TMEFF1: variants seen among roughly 807,000 people sequenced by gnomAD.
The protein encoded by TMEFF1 is transmembrane protein with EGF like and two follistatin like domains 1.
TMEFF1 carries 20 observed loss-of-function variants against 47.5 expected under a neutral mutation model. That is an observed-to-expected ratio of 0.42 (90% CI 0.30 to 0.61). The LOEUF is 0.61. Among genes scored for constraint, TMEFF1 ranks in the 20% least tolerant of loss-of-function variants. TMEFF1 has a pLI of 0.19. For synonymous variants in TMEFF1, 162 were observed against 166.3 expected (o/e 0.97, Z 0.20); for missense variants, 411 against 471.1 (o/e 0.87, Z 1.18).
At chr9:100,566,289 A>G (rs1041797721) in intron 8 of TMEFF1, among the ~76,000 whole-genome samples, 1 of 152,166 alleles carries the variant, frequency 6.6e-6, no homozygotes, top group Admixed American at 6.5e-5. Context: ...AATTTACATA[A>G]ATCCCAGACT....
At chr9:100,500,617 T>G (rs1269905462) in intron 2 of TMEFF1, among the ~76,000 whole-genome samples, 1 of 152,226 alleles carries the variant, frequency 6.6e-6, no homozygotes, top group East Asian at 1.9e-4. Flanking sequence ...TTTCATTCAC[T>G]GTAAGCATAT....
At chr9:100,485,919 C>T (rs79060221) in intron 1 of TMEFF1, among the ~76,000 whole-genome samples, 3,236 of 152,154 alleles carry the variant, frequency 0.021, 100 homozygotes, top group African/African-American at 0.074. Context: ...TTCCATGGCT[C>T]AGCAGCCTTG....
chr9:100,529,271 G>A (rs1320549638), intron 5 of TMEFF1, among the ~76,000 whole-genome samples: 1 of 150,852 alleles, frequency 6.6e-6, no homozygotes, highest in Non-Finnish European at 1.5e-5. Context: ...TGGACTAAAT[G>A]CTCCAATTAA....
intron 6 of TMEFF1, among the ~76,000 whole-genome samples, chr9:100,549,875 A>G (rs1838800450): frequency 6.6e-6 from 1 of 152,168 alleles, no homozygotes; most frequent in Admixed American, 6.5e-5. Flanking sequence ...TGAAGTATAG[A>G]TGAAATTGGC....
intron 5 of TMEFF1, among the ~76,000 whole-genome samples, chr9:100,529,023 T>G (rs1410707353): frequency 6.7e-6 from 1 of 149,634 alleles, no homozygotes; most frequent in Admixed American, 6.7e-5. Context: ...ATAAAATACT[T>G]TGCAGACAAG....
chr9:100,528,035 C>G (rs1396443054), intron 5 of TMEFF1, among the ~76,000 whole-genome samples: 1 of 152,058 alleles, frequency 6.6e-6, no homozygotes, highest in Non-Finnish European at 1.5e-5. Flanking sequence ...AGCGTCCTGT[C>G]TGTTAGAAGG....
intron 5 of TMEFF1, among the ~76,000 whole-genome samples, chr9:100,537,872 A>G (rs894443290): frequency 4.6e-5 from 7 of 152,182 alleles, no homozygotes; most frequent in African/African-American, 1.4e-4. Context: ...CAGAAATTAA[A>G]TTTTTGGTAC....
intron 5 of TMEFF1, among the ~76,000 whole-genome samples, chr9:100,538,441 G>C (rs929217561): frequency 1.3e-5 from 2 of 152,200 alleles, no homozygotes; most frequent in African/African-American, 4.8e-5. Flanking sequence ...AAAATCTCAG[G>C]ATGCTCAAAG....
chr9:100,487,720 A>G (rs1837476339), intron 1 of TMEFF1, among the ~76,000 whole-genome samples: 2 of 150,862 alleles, frequency 1.3e-5, no homozygotes, highest in South Asian at 4.2e-4. Flanking sequence ...GTGTTCTTTT[A>G]TAAGGATCTC....
At chr9:100,518,522 A>G in intron 5 of TMEFF1, 1 of 985,274 alleles carries the variant, frequency 1.0e-6, no homozygotes, top group Non-Finnish European at 1.2e-6. Flanking sequence ...GCACATAGAC[A>G]GTGACAAGCA....
chr9:100,572,648 A>T lies in TMEFF1; in HGVS notation c.1030A>T (p.Ile344Leu), dbSNP rs749964425. 6.2e-7 allele frequency: 1 copy of T among 1,611,330 alleles called. No homozygotes were observed. The highest frequency in any genetic ancestry group is 8.5e-7 in the Non-Finnish European group (1 of 1,179,176). ...TATTGGAGCTGTACAGATTGCCATC[A>T]TAGTAGCAATTGTAATGTGCATAAC... ...AIIGAVQIAI[I>L]VAIVMCITRK... The change falls in exon 9 of 10, where the codon ATA becomes TTA. Residue 344 changes from isoleucine (I) to leucine (L), a missense_variant. By Grantham distance (5) the Ile-to-Leu change is conservative (BLOSUM62 2). Coordinates refer to ENST00000374879, the MANE Select transcript of TMEFF1 (RefSeq NM_003692.5).
In TMEFF1 at chr9:100,516,749, G is replaced by A; in HGVS notation, c.538G>A (p.Asp180Asn). The A allele has an allele frequency of 6.2e-7, 1 of 1,613,440 alleles. No homozygotes were observed. The highest frequency in any genetic ancestry group is 8.5e-7 in the Non-Finnish European group (1 of 1,179,778). The stretch of plus-strand genomic sequence containing the variant: ...ACCCTGCAAATATAAAGCTGAGTGT[G>A]ATGAAGATGCAGAAAATGTTGGGTG... ...CGPCKYKAECDEDAENVGCVC... is the reference protein window; with the variant it reads ...CGPCKYKAECNEDAENVGCVC... Residue 180 changes from aspartate to asparagine, a missense_variant, in exon 5 of 10, where the codon GAT becomes AAT. By Grantham distance (23) the Asp-to-Asn change is conservative. Coordinates refer to ENST00000374879, the MANE Select transcript of TMEFF1 (RefSeq NM_003692.5).
At chr9:100,519,863 C>T (rs1044597624) in intron 5 of TMEFF1, among the ~76,000 whole-genome samples, 1 of 151,892 alleles carries the variant, frequency 6.6e-6, no homozygotes, top group African/African-American at 2.4e-5. Context: ...GACTACACTT[C>T]ATGTAAAAAA....
At chr9:100,495,313 C>T (rs1348144788) in intron 1 of TMEFF1, among the ~76,000 whole-genome samples, 5 of 151,984 alleles carry the variant, frequency 3.3e-5, no homozygotes, top group African/African-American at 1.2e-4. Context: ...ATATCTTTTC[C>T]AAATTCTTTA....
intron 5 of TMEFF1, among the ~76,000 whole-genome samples, chr9:100,537,028 C>G (rs1247365359): frequency 6.6e-6 from 1 of 152,174 alleles, no homozygotes; most frequent in Non-Finnish European, 1.5e-5. Context: ...AAGATTTCAG[C>G]ATGCTGAGAT....
rs768879369 is a variant in TMEFF1 at position 100,576,580 on chromosome 9, A to G, written c.1123A>G (p.Thr375Ala). 7 of 1,613,542 alleles carry G rather than the reference A, an allele frequency of 4.3e-6. No homozygotes were observed. The Admixed American group carries it at 5.0e-5, about 12-fold the overall frequency. Residue 375 changes from threonine to alanine, a missense_variant, in exon 10 of 10, where the codon ACG (threonine) becomes GCG (alanine). Transcript: ENST00000374879. ...AAACCTAGGTCATTTTACTTCAGAT[A>G]CGTCATCCAGAATGGTTTAAACTGA... ...KQNLGHFTSD[T>A]SSRMV is the part of the protein sequence containing the mutation.
intron 1 of TMEFF1, among the ~76,000 whole-genome samples, chr9:100,490,243 G>A (rs1172366037): frequency 6.6e-6 from 1 of 152,072 alleles, no homozygotes; most frequent in African/African-American, 2.4e-5. Flanking sequence ...AACTGCTTTT[G>A]GTTTTGTATC....
At chr9:100,546,402 C>G (rs1347541613) in intron 5 of TMEFF1, among the ~76,000 whole-genome samples, 1 of 151,992 alleles carries the variant, frequency 6.6e-6, no homozygotes. Context: ...GAGAGCAGCA[C>G]AGGAAAGACC....
At chr9:100,556,764 T>A (rs1231600425) in intron 7 of TMEFF1, among the ~76,000 whole-genome samples, 2 of 152,210 alleles carry the variant, frequency 1.3e-5, no homozygotes, top group Non-Finnish European at 2.9e-5. Flanking sequence ...AAACCATTTT[T>A]ATTTTTTCTG....
Sources: gnomAD v4.1 joint callset for allele counts (sites outside exome capture counted in the v4.1 genomes callset) on GRCh38, gnomAD v4.1.1 for gene constraint, MANE v1.5 for transcripts, NCBI Gene and HGNC (gene_info 2026-07-23, HGNC 2026-07-21) for gene names.